Variants in IQCH observed in about 807,000 individuals in gnomAD.
IQCH encodes the protein IQ motif containing H.
A neutral mutation model predicts 117.0 loss-of-function variants in IQCH; 98 were observed. The observed-to-expected ratio is 0.84, with a 90% CI of 0.71 to 0.99. The LOEUF (loss-of-function observed/expected upper bound fraction) is 0.99. Ranked by LOEUF, IQCH falls within the 50% of genes least tolerant of loss-of-function variation. IQCH has a pLI of 0.00. For synonymous variants in IQCH, 412 were observed against 448.2 expected, an observed-to-expected ratio of 0.92 and a Z score of 1.02; for missense variants, 1,102 against 1,243.8, an observed-to-expected ratio of 0.89 and a Z score of 1.72.
intron 4 of IQCH, among the ~76,000 whole-genome samples, chr15:67,323,367 C>T (rs1331062071): frequency 1.3e-5 from 2 of 151,474 alleles, no homozygotes; most frequent in African/African-American, 2.4e-5. Context: ...CCCAGCCTCC[C>T]GAGTAGCTGG....
rs926812157 is a variant in IQCH, at chr15:67,357,349, T to A, written c.642T>A (p.Thr214=). The A allele has an allele frequency of 6.9e-6, 11 of 1,605,130 alleles. No individual in the cohort carries two copies. Among genetic ancestry groups the A allele is most frequent in the African/African-American group, 1.3e-5 (1 of 74,746 alleles). The change falls in exon 7 of 21, where the codon ACT becomes ACA. Residue 214 remains threonine (T), a synonymous_variant. Transcript: ENST00000335894. ...DEARKIPTVA[T]FTIPREPPPS... ...ATGTACTATCTTCATCCACAGCCAC[T>A]TTCACTATACCTCGGGAACCACCTC...
chr15:67,318,021 C>A (rs1967931576), intron 4 of IQCH, among the ~76,000 whole-genome samples: 1 of 152,102 alleles, frequency 6.6e-6, no homozygotes, highest in South Asian at 2.1e-4. Context: ...CTTTGTTCAC[C>A]CCCATGCCCA....
At chr15:67,351,821 C>T (rs1969675248) in intron 6 of IQCH, among the ~76,000 whole-genome samples, 1 of 151,902 alleles carries the variant, frequency 6.6e-6, no homozygotes, top group South Asian at 2.1e-4. Context: ...CCTGGCATAT[C>T]TTTTCTCATT....
Position 67,385,100 on chromosome 15 carries a change from TG to T in IQCH, c.1456+82del, listed in dbSNP as rs1368482831. On this transcript the variant is annotated intron_variant, in intron 11 of 20. Coordinates refer to ENST00000335894, the MANE Select transcript of IQCH (RefSeq NM_001031715.3). The surrounding 1 kb of genome is among the most constrained non-coding windows in gnomAD (Gnocchi z 4.6). ...GATAGAATGTGTTGTTTTGTTTGTT[TG>T]TTTTTTGCTTATTTTTTTCCTCTAC... The T allele has an allele frequency of 4.5e-6, 4 of 886,490 alleles. No individual in the cohort carries two copies. Among genetic ancestry groups the T allele is most frequent in the Non-Finnish European group, 7.1e-6 (4 of 560,048 alleles). 54.9% of individuals were successfully genotyped at this position (886,490 alleles called of 1,614,324 possible).
In IQCH at chr15:67,458,211, C is replaced by A. The variant is rs1444175647; in HGVS notation, c.2506-6916C>A. ...ATCTCAAACTTAACTGATCTGAAAT[C>A]TTGATTTTACCCTCCAAGGTATTTC... On this transcript the variant is annotated intron_variant, in intron 16 of 20. Coordinates refer to ENST00000335894, the MANE Select transcript of IQCH (RefSeq NM_001031715.3). This position sits in a 1 kb window ranked among gnomAD's most constrained non-coding sequence, Gnocchi z 4.1. Among the ~76,000 whole-genome samples the A allele has an allele frequency of 1.3e-5, 2 of 152,252 alleles. No individual in the cohort carries two copies. Among genetic ancestry groups the A allele is most frequent in the African/African-American group, 4.8e-5 (2 of 41,460 alleles).
intron 16 of IQCH, among the ~76,000 whole-genome samples, chr15:67,421,781 C>T (rs528135217): frequency 3.3e-5 from 5 of 152,268 alleles, no homozygotes; most frequent in Non-Finnish European, 5.9e-5. Flanking sequence ...CCAGGGTTGT[C>T]TCGTTCAGGT....
intron 1 of IQCH, among the ~76,000 whole-genome samples, chr15:67,255,986 A>G (rs1965167554): frequency 6.6e-6 from 1 of 152,162 alleles, no homozygotes; most frequent in Non-Finnish European, 1.5e-5. Flanking sequence ...CCTAACTTCA[A>G]CACTCACTAC....
At position 67,436,664 on chromosome 15, in the gene IQCH, G is replaced by A. The variant is rs1445376037; in HGVS notation, c.2505+15087G>A. On this transcript the variant is annotated intron_variant, in intron 16 of 20. Transcript: ENST00000335894. This position sits in a 1 kb window ranked among gnomAD's most constrained non-coding sequence, Gnocchi z 5.1. ...TTTCTAGCCTGCAACAAGTTTTCAA[G>A]CCCGTCTTGCCCTCTGCCTGGAAAG... Among the ~76,000 whole-genome samples the A allele has an allele frequency of 2.6e-5, 4 of 152,164 alleles. No individual in the cohort carries two copies. The highest frequency in any genetic ancestry group is 2.6e-4 in the Admixed American group (4 of 15,280).
Position 67,411,974 on chromosome 15 carries a change from CA to C in IQCH, c.2098-4955del, listed in dbSNP as rs2081462251. On this transcript the variant is annotated intron_variant, in intron 14 of 20. Transcript: ENST00000335894. This position sits in a 1 kb window ranked among gnomAD's most constrained non-coding sequence, Gnocchi z 4.4. ...TTTCTGCAGATGTCTTGGAACCTTC[CA>C]ACGTCCTGACGATTGTTGATGCACT... is the stretch of plus-strand genomic sequence containing the variant. Among the ~76,000 whole-genome samples the C allele has an allele frequency of 6.6e-6, 1 of 152,186 alleles. No homozygotes were observed. The highest frequency in any genetic ancestry group is 1.5e-5 in the Non-Finnish European group (1 of 68,040).
chr15:67,260,862 C>T (rs958706101), intron 1 of IQCH, among the ~76,000 whole-genome samples: 8 of 151,934 alleles, frequency 5.3e-5, no homozygotes, highest in Non-Finnish European at 7.4e-5. Flanking sequence ...CTTTGGGAGG[C>T]CGAGGTGGGA....
intron 4 of IQCH, chr15:67,282,145 G>T (rs1224276557): frequency 1.9e-5 from 3 of 154,436 alleles, no homozygotes; most frequent in Non-Finnish European, 4.3e-5. Flanking sequence ...ACAGAATGCT[G>T]TGATAAAGGG....
chr15:67,337,555 G>T (rs986377775), intron 5 of IQCH, among the ~76,000 whole-genome samples: 5 of 152,108 alleles, frequency 3.3e-5, no homozygotes, highest in African/African-American at 9.7e-5. Flanking sequence ...GAAACCAGTG[G>T]ATTTTGTTTT....
intron 4 of IQCH, among the ~76,000 whole-genome samples, chr15:67,326,848 A>G (rs1438611660): frequency 1.3e-5 from 2 of 152,218 alleles, no homozygotes; most frequent in African/African-American, 2.4e-5. Context: ...TCACTACAAT[A>G]TTTTAATGCT....
intron 1 of IQCH, among the ~76,000 whole-genome samples, chr15:67,259,027 A>G (rs944185103): frequency 6.6e-6 from 1 of 152,234 alleles, no homozygotes; most frequent in African/African-American, 2.4e-5. Flanking sequence ...AAGTTATTCA[A>G]TTAACATTTA....
Position 67,388,276 on chromosome 15 carries a change from G to A in IQCH, c.1457-555G>A, listed in dbSNP as rs754697980. The stretch of plus-strand genomic sequence containing the variant: ...AAGAATCACTAGACCTGCTATTTAA[G>A]TAATGTACTCCTCTTTGGGAATCAA... On this transcript the variant is annotated intron_variant, in intron 11 of 20. Transcript: ENST00000335894. This position sits in a 1 kb window ranked among gnomAD's most constrained non-coding sequence, Gnocchi z 5.5. Among the ~76,000 whole-genome samples the A allele has an allele frequency of 1.3e-5, 2 of 152,158 alleles. No individual in the cohort carries two copies. Among genetic ancestry groups the A allele is most frequent in the African/African-American group, 4.8e-5 (2 of 41,440 alleles).
Position 67,418,820 on chromosome 15 carries a change from C to T in IQCH, c.2218+1769C>T, listed in dbSNP as rs183553144. 4.1e-4 allele frequency among the ~76,000 whole-genome samples: 63 copies of T among 151,930 alleles called. 1 individual carries two copies. The East Asian group carries it at 8.1e-3, about 20-fold the overall frequency. On this transcript the variant is annotated intron_variant, in intron 15 of 20. Coordinates refer to ENST00000335894, the MANE Select transcript of IQCH (RefSeq NM_001031715.3). ...CTCAAACTCCTGACCTAAGGTGATC[C>T]GCCCGCCTCGGCCTCCCGAAGTGCT...
chr15:67,453,902 C>T lies in IQCH; in HGVS notation c.2506-11225C>T, dbSNP rs973234726. ...TCAAGCTTCCCGGCCGCTTTGTTTACGTAATCAAACAACTAACTCGGCAAT... is the reference window on the plus strand; with the variant it reads ...TCAAGCTTCCCGGCCGCTTTGTTTATGTAATCAAACAACTAACTCGGCAAT... On this transcript the variant is annotated intron_variant, in intron 16 of 20. Transcript: ENST00000335894. This position sits in a 1 kb window ranked among gnomAD's most constrained non-coding sequence, Gnocchi z 5.8. Among the ~76,000 whole-genome samples, 5 of 152,214 alleles carry T rather than the reference C, an allele frequency of 3.3e-5. No homozygotes were observed. Among genetic ancestry groups the T allele is most frequent in the East Asian group, 1.9e-4 (1 of 5,186 alleles).
At position 67,401,342 on chromosome 15, in the gene IQCH, TC is replaced by T. The variant is rs964131881; in HGVS notation, c.2097+1041del. Among the ~76,000 whole-genome samples the T allele has an allele frequency of 2.0e-5, 3 of 152,348 alleles. No individual in the cohort carries two copies. The highest frequency in any genetic ancestry group is 4.4e-5 in the Non-Finnish European group (3 of 68,022). On this transcript the variant is annotated intron_variant, in intron 14 of 20. Transcript: ENST00000335894. The surrounding 1 kb of genome is among the most constrained non-coding windows in gnomAD (Gnocchi z 4.7). ...AACTATCTTGCTTTTCATCCAGAAA[TC>T]CCCAGTCTTGCCTGGCTTCTCTTAA... is the stretch of plus-strand genomic sequence containing the variant.
chr15:67,402,338 A>T (rs540087124), intron 14 of IQCH, among the ~76,000 whole-genome samples: 2 of 152,328 alleles, frequency 1.3e-5, no homozygotes, highest in Admixed American at 1.3e-4. Flanking sequence ...AGTAGTTCTG[A>T]AAAGGTGCCT....
Sources: gnomAD v4.1 joint callset for allele counts (sites outside exome capture counted in the v4.1 genomes callset) on GRCh38, gnomAD v4.1.1 for gene constraint, Gnocchi (gnomAD v3.1) non-coding constraint, MANE v1.5 for transcripts, NCBI Gene and HGNC (gene_info 2026-07-23, HGNC 2026-07-21) for gene names.